Variants in SND1 observed in about 807,000 individuals in gnomAD.
SND1 encodes staphylococcal nuclease and tudor domain containing 1.
In SND1, 38 loss-of-function variants were observed where a neutral mutation model predicts 121.7. The ratio of observed to expected loss-of-function variants is 0.31; its 90% CI spans 0.24 to 0.41. SND1 has a LOEUF of 0.41. Ranked by LOEUF, SND1 falls within the 10% of genes least tolerant of loss-of-function variation. The pLI, the probability that SND1 is intolerant of heterozygous loss-of-function variation, is 1.00. For synonymous variants in SND1, 401 were observed against 447.4 expected, an observed-to-expected ratio of 0.90 and a Z score of 1.31; for missense variants, 868 against 1,184.6, an observed-to-expected ratio of 0.73 and a Z score of 3.92.
Position 127,731,388 on chromosome 7 carries a change from A to T in SND1, c.1152+9988A>T, listed in dbSNP as rs1017464165. On this transcript the variant is annotated intron_variant, in intron 10 of 23. Coordinates refer to ENST00000354725, the MANE Select transcript of SND1 (RefSeq NM_014390.4). ...CTTATTTTATTTATTTCTATTTCTTATAAAGGGGAAAGAAGCTAGCCCAGC... is the reference window on the plus strand; with the variant it reads ...CTTATTTTATTTATTTCTATTTCTTTTAAAGGGGAAAGAAGCTAGCCCAGC... 5.9e-5 allele frequency among the ~76,000 whole-genome samples: 9 copies of T among 152,278 alleles called. No homozygotes were observed. In the East Asian group the frequency reaches 9.6e-4, roughly 16 times the overall value.
intron 1 of SND1, among the ~76,000 whole-genome samples, chr7:127,664,701 G>A (rs1373905630): frequency 6.6e-6 from 1 of 152,184 alleles, no homozygotes; most frequent in Non-Finnish European, 1.5e-5. Flanking sequence ...AGTCATTAAG[G>A]GTGGCTTGAG....
intron 2 of SND1, 105 bp downstream of exon 2, chr7:127,686,867 A>G: frequency 7.7e-7 from 1 of 1,300,594 alleles, no homozygotes; most frequent in Non-Finnish European, 1.1e-6. Flanking sequence ...TATTTTGAGT[A>G]TTTTTATATC....
Position 127,982,419 on chromosome 7 carries a change from G to C in SND1, c.1670-8528G>C, listed in dbSNP as rs1195115284. 3.3e-5 allele frequency among the ~76,000 whole-genome samples: 5 copies of C among 152,138 alleles called. No individual in the cohort carries two copies. In the East Asian group the frequency reaches 9.6e-4, roughly 29 times the overall value. ...TTCTGACTCCCCTGACTACAATTAG[G>C]TATTTGATCCCTTTAATTAGGATCC... On this transcript the variant is annotated intron_variant, in intron 15 of 23. Coordinates refer to ENST00000354725, the MANE Select transcript of SND1 (RefSeq NM_014390.4).
chr7:128,075,747 C>T (rs1584775456), intron 17 of SND1, among the ~76,000 whole-genome samples: 1 of 152,198 alleles, frequency 6.6e-6, no homozygotes, highest in South Asian at 2.1e-4. Context: ...CAGTGCCCTG[C>T]AGGAGGCAGC....
intron 16 of SND1, among the ~76,000 whole-genome samples, chr7:128,002,267 T>C (rs1411640930): frequency 6.6e-6 from 1 of 152,238 alleles, no homozygotes; most frequent in Non-Finnish European, 1.5e-5. Flanking sequence ...TTGAGAGGAT[T>C]TGGCACTTAA....
chr7:127,739,513 G>A (rs1007856571), intron 10 of SND1, among the ~76,000 whole-genome samples: 5 of 152,130 alleles, frequency 3.3e-5, no homozygotes, highest in African/African-American at 1.2e-4. Flanking sequence ...CATCCTCAAG[G>A]ATTACTTGGA....
chr7:127,709,923 A>T (rs1410144159), intron 9 of SND1, among the ~76,000 whole-genome samples: 1 of 152,186 alleles, frequency 6.6e-6, no homozygotes, highest in Non-Finnish European at 1.5e-5. Context: ...ACAGGAAAAA[A>T]ACATAAAGAA....
At chr7:127,684,417 G>C (rs1391118831) in intron 1 of SND1, among the ~76,000 whole-genome samples, 1 of 152,200 alleles carries the variant, frequency 6.6e-6, no homozygotes, top group Non-Finnish European at 1.5e-5. Flanking sequence ...ATTTGTGCTT[G>C]AATGATTTCA....
At chr7:127,711,821 A>G (rs1796303260) in intron 9 of SND1, among the ~76,000 whole-genome samples, 1 of 151,558 alleles carries the variant, frequency 6.6e-6, no homozygotes, top group Non-Finnish European at 1.5e-5. Flanking sequence ...TATTGACATG[A>G]TACTGTTTTA....
chr7:127,911,388 A>C (rs1486481462), intron 14 of SND1, among the ~76,000 whole-genome samples: 2 of 152,180 alleles, frequency 1.3e-5, no homozygotes, highest in East Asian at 3.8e-4. Flanking sequence ...TATTTCAAAA[A>C]AATAGAGATG....
chr7:127,850,512 A>G (rs760662279), intron 12 of SND1, among the ~76,000 whole-genome samples: 1 of 152,054 alleles, frequency 6.6e-6, no homozygotes, highest in Non-Finnish European at 1.5e-5. Flanking sequence ...ATTATAGCCA[A>G]CCCTTTTTCC....
chr7:127,779,936 A>G (rs1389870294), intron 10 of SND1, among the ~76,000 whole-genome samples: 2 of 152,198 alleles, frequency 1.3e-5, no homozygotes, highest in Non-Finnish European at 2.9e-5. Flanking sequence ...GAGCAGCCAT[A>G]GTACTTTATC....
intron 16 of SND1, among the ~76,000 whole-genome samples, chr7:128,060,011 G>A (rs990949190): frequency 6.6e-6 from 1 of 152,248 alleles, no homozygotes; most frequent in African/African-American, 2.4e-5. Flanking sequence ...CAAGATGAAT[G>A]TTGAGATGGA....
intron 11 of SND1, among the ~76,000 whole-genome samples, chr7:127,819,954 G>A (rs1045522100): frequency 6.6e-6 from 1 of 152,122 alleles, no homozygotes; most frequent in Non-Finnish European, 1.5e-5. Context: ...TGCTGAGAAT[G>A]CTATAATGTA....
chr7:127,851,928 G>A (rs2116661900), intron 12 of SND1, among the ~76,000 whole-genome samples: 1 of 152,198 alleles, frequency 6.6e-6, no homozygotes, highest in African/African-American at 2.4e-5. Flanking sequence ...AGGTGGAGGT[G>A]GGTGGATCAC....
At chr7:127,943,625 G>A (rs1333268651) in intron 15 of SND1, among the ~76,000 whole-genome samples, 1 of 152,178 alleles carries the variant, frequency 6.6e-6, no homozygotes, top group East Asian at 1.9e-4. Context: ...GGCAAGTCTA[G>A]ATCTCGTGGA....
chr7:127,763,790 T>C (rs1380605220), intron 10 of SND1, among the ~76,000 whole-genome samples: 1 of 151,856 alleles, frequency 6.6e-6, no homozygotes, highest in Non-Finnish European at 1.5e-5. Flanking sequence ...GAAGCACTAG[T>C]ATTCTAGAAA....
intron 13 of SND1, 34 bp from the exon 14 acceptor site, chr7:127,904,713 T>C (rs1800300511): frequency 6.8e-7 from 1 of 1,473,922 alleles, no homozygotes; most frequent in African/African-American, 1.4e-5. Context: ...TTGTGATTCT[T>C]GTTTTAATCG....
intron 1 of SND1, among the ~76,000 whole-genome samples, chr7:127,679,705 C>G (rs1795679275): frequency 6.6e-6 from 1 of 152,188 alleles, no homozygotes; most frequent in Non-Finnish European, 1.5e-5. Flanking sequence ...TTGTGTCTGG[C>G]TTCTTTTACT....
Sources: allele counts gnomAD v4.1 joint callset (sites outside exome capture counted in the v4.1 genomes callset), GRCh38; gene constraint gnomAD v4.1.1; transcripts MANE v1.5; gene names NCBI Gene and HGNC (gene_info 2026-07-23, HGNC 2026-07-21).